JAK2: variants seen among roughly 807,000 people sequenced by gnomAD.
The protein encoded by JAK2 is tyrosine-protein kinase JAK2.
Under a neutral mutation model 139.3 loss-of-function variants are expected in JAK2, and 86 were observed. That is an observed-to-expected ratio of 0.62 (90% CI 0.52 to 0.74). The LOEUF (loss-of-function observed/expected upper bound fraction) is 0.74. JAK2 is among the 30% of genes least tolerant of loss of function. The probability of loss-of-function intolerance (pLI) is 0.00; values close to 1 mark genes in which losing one functional copy is unlikely to be tolerated. For missense variants in JAK2, 1,421 were observed against 1,360.3 expected, an observed-to-expected ratio of 1.04 and a Z score of -0.70; for synonymous variants, 490 against 437.7, an observed-to-expected ratio of 1.12 and a Z score of -1.49.
chr9:5,054,820 C>T lies in JAK2; in HGVS notation c.872C>T (p.Thr291Ile). 1 of 1,612,448 alleles carries T rather than the reference C, an allele frequency of 6.2e-7. No individual in the cohort carries two copies. Among genetic ancestry groups the T allele is most frequent in the Non-Finnish European group, 8.5e-7 (1 of 1,179,162 alleles). Reference sequence around the variant, plus strand: ...GAGATTTTTGCAACCATTATAATAACTGGAAACGGTGGAATTCAGTGGTCA... The same window carrying T: ...GAGATTTTTGCAACCATTATAATAATTGGAAACGGTGGAATTCAGTGGTCA... ...GEEIFATIII[T>I]GNGGIQWSRG... Residue 291 changes from threonine to isoleucine, a missense_variant, in exon 7 of 25, where the codon ACT becomes ATT. Transcript: ENST00000381652. This position sits in a 1 kb window ranked among gnomAD's most constrained non-coding sequence, Gnocchi z 4.9.
At chr9:5,085,861 T>C in intron 19 of JAK2, 4 of 778,916 alleles carry the variant, frequency 5.1e-6, no homozygotes, top group Non-Finnish European at 9.5e-6. Context: ...TACTCAGAGA[T>C]TTCCTTAAGT....
At chr9:5,078,570 C>A in intron 16 of JAK2, 126 bp downstream of exon 16, 1 of 722,582 alleles carries the variant, frequency 1.4e-6, no homozygotes, top group Non-Finnish European at 2.2e-6. Context: ...ATAAAATTAT[C>A]ACTTTTAGCA....
At chr9:5,016,179 A>G (rs1822047098) in intron 2 of JAK2, among the ~76,000 whole-genome samples, 1 of 152,216 alleles carries the variant, frequency 6.6e-6, no homozygotes, top group South Asian at 2.1e-4. Context: ...ATAAGTTGCA[A>G]GCTTAGGAAG....
At chr9:5,084,536 AT>A (rs936773605) in intron 19 of JAK2, among the ~76,000 whole-genome samples, 3 of 152,136 alleles carry the variant, frequency 2.0e-5, no homozygotes, top group Admixed American at 6.6e-5. Context: ...ATAATGGTAT[AT>A]TTTTTTATTT....
rs1159782 is a variant in JAK2 at position 5,078,117 on chromosome 9, T to C, written c.1993-189T>C. Among the ~76,000 whole-genome samples the C allele has an allele frequency of 0.24, 35,809 of 152,126 alleles. 4,599 individuals are homozygous for C. The highest frequency in any genetic ancestry group is 0.31 in the South Asian group (1,472 of 4,816). ...TTCATTTCATCACAAGCATAGATTA[T>C]TGTGTTATTTAAAATGTAAAACAGG... is the stretch of plus-strand genomic sequence containing the variant. On this transcript the variant is annotated intron_variant, in intron 15 of 24. Transcript: ENST00000381652.
Position 5,050,791 on chromosome 9 carries a change from G to C in JAK2, c.574G>C (p.Glu192Gln), listed in dbSNP as rs1445295304. Reference protein sequence around the residue: ...AVLDMMRIAKENDQTPLAIYN... With the variant: ...AVLDMMRIAKQNDQTPLAIYN... ...GTTAGATATGATGAGAATAGCCAAA[G>C]AAAACGATCAAACCCCACTGGCCAT... The change falls in exon 6 of 25, where the codon GAA becomes CAA. Residue 192 changes from glutamate (E) to glutamine (Q), a missense_variant. By Grantham distance (29) the Glu-to-Gln change is conservative. Coordinates refer to ENST00000381652, the MANE Select transcript of JAK2 (RefSeq NM_004972.4). The C allele has an allele frequency of 3.7e-6, 6 of 1,613,590 alleles. No homozygotes were observed. Among genetic ancestry groups the C allele is most frequent in the Non-Finnish European group, 5.1e-6 (6 of 1,179,750 alleles).
chr9:5,016,566 T>C (rs1311256764), intron 2 of JAK2, among the ~76,000 whole-genome samples: 1 of 152,216 alleles, frequency 6.6e-6, no homozygotes, highest in Admixed American at 6.5e-5. Flanking sequence ...AAACCTCTAA[T>C]TGAAGTGTAA....
In JAK2 at chr9:5,021,984, C is replaced by G. The variant is rs375696661; in HGVS notation, c.-4C>G. On this transcript the variant is annotated 5_prime_UTR_variant, in exon 3 of 25. Transcript: ENST00000381652. ...ACAGGCAAATGTTCTGAAAAAGACT[C>G]TGCATGGGAATGGCCTGCCTTACGA... 1.6e-5 allele frequency: 25 copies of G among 1,606,514 alleles called. No individual in the cohort carries two copies. The highest frequency in any genetic ancestry group is 2.2e-5 in the East Asian group (1 of 44,862).
intron 22 of JAK2, chr9:5,111,039 G>C (rs1185245392): frequency 1.1e-6 from 1 of 913,388 alleles, no homozygotes. Context: ...TGGCCGGGGC[G>C]CAATTCAGAG....
chr9:4,997,240 C>G (rs1474451741), intron 2 of JAK2, among the ~76,000 whole-genome samples: 1 of 152,142 alleles, frequency 6.6e-6, no homozygotes, highest in East Asian at 1.9e-4. Flanking sequence ...GCCTGTTAGT[C>G]TGTTCTTGCA....
rs754612766 is a variant in JAK2 at position 5,090,516 on chromosome 9, T to C, written c.2832T>C (p.His944=). The change falls in exon 21 of 25, where the codon CAT becomes CAC. Residue 944 remains histidine (H), a synonymous_variant. Transcript: ENST00000381652. ...GTTTACGAGACTATCTTCAAAAACATAAAGAACGGATAGATCACATAAAAC... is the reference window on the plus strand; with the variant it reads ...GTTTACGAGACTATCTTCAAAAACACAAAGAACGGATAGATCACATAAAAC... ...YGSLRDYLQK[H]KERIDHIKLL... is the part of the protein sequence containing the mutation. 1.9e-6 allele frequency: 3 copies of C among 1,594,624 alleles called. No homozygotes were observed. The highest frequency in any genetic ancestry group is 2.6e-6 in the Non-Finnish European group (3 of 1,170,266).
chr9:5,054,674 A>G lies in JAK2; in HGVS notation c.726A>G (p.Gln242=), dbSNP rs149863951. The G allele has an allele frequency of 2.5e-6, 4 of 1,613,444 alleles. No homozygotes were observed. Among genetic ancestry groups the G allele is most frequent in the Non-Finnish European group, 3.4e-6 (4 of 1,179,446 alleles). Residue 242 remains glutamine, a synonymous_variant, in exon 7 of 25, where the codon CAA becomes CAG. Transcript: ENST00000381652. The surrounding 1 kb of genome is among the most constrained non-coding windows in gnomAD (Gnocchi z 4.9). ...RFRRFIQQFS[Q]CKATARNLKL... Reference sequence around the variant, plus strand: ...GCAGATTTATTCAGCAATTCAGCCAATGCAAAGCCACTGCCAGAAACTTGA... The same window carrying G: ...GCAGATTTATTCAGCAATTCAGCCAGTGCAAAGCCACTGCCAGAAACTTGA...
chr9:5,036,869 C>T (rs1268332879), intron 4 of JAK2, among the ~76,000 whole-genome samples: 1 of 152,092 alleles, frequency 6.6e-6, no homozygotes, highest in African/African-American at 2.4e-5. Flanking sequence ...AATGGGATCT[C>T]ATTAAACCAA....
At chr9:5,041,875 C>G in intron 4 of JAK2, 5 of 439,388 alleles carry the variant, frequency 1.1e-5, no homozygotes, top group Non-Finnish European at 2.2e-5. Context: ...GCCGGCCACT[C>G]CAGCGCCCAT....
At chr9:5,116,618 A>G (rs1160684731) in intron 22 of JAK2, among the ~76,000 whole-genome samples, 4 of 152,230 alleles carry the variant, frequency 2.6e-5, no homozygotes, top group Non-Finnish European at 5.9e-5. Context: ...AGATTTGGTT[A>G]TACTTAATGA....
chr9:5,061,487 C>G (rs1465546597), intron 8 of JAK2, among the ~76,000 whole-genome samples: 1 of 152,222 alleles, frequency 6.6e-6, no homozygotes, highest in Admixed American at 6.5e-5. Flanking sequence ...CACATGGCTT[C>G]TTTTCTTAAA....
chr9:5,116,972 T>C (rs767272788), intron 22 of JAK2, among the ~76,000 whole-genome samples: 18 of 152,194 alleles, frequency 1.2e-4, no homozygotes, highest in South Asian at 2.1e-4. Context: ...ATTTCAACGA[T>C]TGGTTGAATT....
chr9:4,990,674 T>C (rs575563402), intron 2 of JAK2, among the ~76,000 whole-genome samples: 108 of 152,186 alleles, frequency 7.1e-4, no homozygotes, highest in African/African-American at 2.4e-3. Context: ...ATGTTGATCA[T>C]TGGCAAGAAA....
intron 3 of JAK2, among the ~76,000 whole-genome samples, chr9:5,029,395 T>C (rs1227565438): frequency 6.6e-6 from 1 of 152,140 alleles, no homozygotes; most frequent in African/African-American, 2.4e-5. Context: ...TCATAACTGA[T>C]ATAATAATAA....
Sources: gnomAD v4.1 joint callset for allele counts (sites outside exome capture counted in the v4.1 genomes callset) on GRCh38, gnomAD v4.1.1 for gene constraint, Gnocchi (gnomAD v3.1) non-coding constraint, MANE v1.5 for transcripts, NCBI Gene and HGNC (gene_info 2026-07-23, HGNC 2026-07-21) for gene names.